HPSE2: variants seen among roughly 807,000 people sequenced by gnomAD.
HPSE2 encodes the protein heparanase 2 (inactive).
HPSE2 carries 38 observed loss-of-function variants against 60.5 expected under a neutral mutation model. That is an observed-to-expected ratio of 0.63 (90% confidence interval 0.48 to 0.82). The LOEUF is 0.82. Ranked by LOEUF, HPSE2 falls within the 40% of genes least tolerant of loss-of-function variation. HPSE2 has a pLI of 0.00. For missense variants in HPSE2, 713 were observed against 740.4 expected (o/e 0.96, Z 0.43); for synonymous variants, 295 against 293.2 (o/e 1.01, Z -0.06).
At chr10:98,860,141 TA>T (rs1184336066) in intron 3 of HPSE2, among the ~76,000 whole-genome samples, 1 of 152,200 alleles carries the variant, frequency 6.6e-6, no homozygotes, top group Non-Finnish European at 1.5e-5. Context: ...GGGGGACTAC[TA>T]TATATCTATA....
chr10:98,573,018 C>G (rs526698), intron 9 of HPSE2, among the ~76,000 whole-genome samples: 1 of 152,072 alleles, frequency 6.6e-6, no homozygotes, highest in Non-Finnish European at 1.5e-5. Flanking sequence ...CTAAAATACA[C>G]AGATTACAGC....
At position 99,071,708 on chromosome 10, in the gene HPSE2, T is replaced by C. The variant is rs74154365; in HGVS notation, c.610+72530A>G. On this transcript the variant is annotated intron_variant, in intron 3 of 11. Transcript: ENST00000370552. ...TGGTTATGCAGTTTTAAATCTTATGTTTAAATCTTTAATCTACTTTGCATT... is the reference window on the plus strand; with the variant it reads ...TGGTTATGCAGTTTTAAATCTTATGCTTAAATCTTTAATCTACTTTGCATT... Among the ~76,000 whole-genome samples the C allele has an allele frequency of 2.9e-3, 439 of 152,370 alleles. 5 individuals carry two copies. Among genetic ancestry groups the C allele is most frequent in the African/African-American group, 0.01 (420 of 41,586 alleles).
chr10:98,573,640 T>C (rs1944564121), intron 9 of HPSE2, among the ~76,000 whole-genome samples: 1 of 152,186 alleles, frequency 6.6e-6, no homozygotes. Context: ...AGCTCCTATC[T>C]TTTTCACCTC....
Position 98,930,136 on chromosome 10 carries a change from C to T in HPSE2, c.611-186080G>A, listed in dbSNP as rs1366931560. On this transcript the variant is annotated intron_variant, in intron 3 of 11. Coordinates refer to ENST00000370552, the MANE Select transcript of HPSE2 (RefSeq NM_021828.5). Reference sequence around the variant, plus strand: ...CAGCTCTTTTCTCTAATGCTTCCCCCCTCCACTATCCACAACAGGCCCCAG... The same window carrying T: ...CAGCTCTTTTCTCTAATGCTTCCCCTCTCCACTATCCACAACAGGCCCCAG... 2.8e-5 allele frequency among the ~76,000 whole-genome samples: 4 copies of T among 143,480 alleles called. 1 individual carries two copies. Among genetic ancestry groups the T allele is most frequent in the African/African-American group, 1.1e-4 (4 of 35,096 alleles). The allele number at this position is 143,480 out of a possible 152,430, so 94.1% of individuals were successfully genotyped here.
chr10:98,830,070 C>T (rs929305717), intron 3 of HPSE2, among the ~76,000 whole-genome samples: 3 of 152,118 alleles, frequency 2.0e-5, no homozygotes, highest in African/African-American at 7.2e-5. Context: ...TCTTTTCTGG[C>T]TATTCTCATT....
chr10:99,029,115 G>A (rs1957441417), intron 3 of HPSE2, among the ~76,000 whole-genome samples: 1 of 152,168 alleles, frequency 6.6e-6, no homozygotes, highest in Non-Finnish European at 1.5e-5. Context: ...GGCAACCAAA[G>A]AAGAAACGGA....
chr10:99,153,407 G>A (rs1255625529), intron 2 of HPSE2, among the ~76,000 whole-genome samples: 3 of 152,250 alleles, frequency 2.0e-5, no homozygotes, highest in Non-Finnish European at 4.4e-5. Flanking sequence ...AGAGATCTGA[G>A]AACGGGCAGA....
intron 3 of HPSE2, among the ~76,000 whole-genome samples, chr10:98,860,550 T>C (rs1431872995): frequency 1.3e-5 from 2 of 152,190 alleles, no homozygotes; most frequent in African/African-American, 4.8e-5. Flanking sequence ...CAGAATGAGA[T>C]AATTACTATT....
rs529157294 is a variant in HPSE2, at chr10:98,933,381, C to T, written c.611-189325G>A. On this transcript the variant is annotated intron_variant, in intron 3 of 11. Transcript: ENST00000370552. ...AGTGTTTTACTTCCAATTATGTGAT[C>T]AATTTTAGAATAAGTGCCATGTGGC... 1.1e-4 allele frequency among the ~76,000 whole-genome samples: 16 copies of T among 144,172 alleles called. 1 individual carries two copies. The South Asian group carries it at 3.4e-3, about 30-fold the overall frequency. 94.6% of individuals were successfully genotyped at this position (144,172 alleles called of 152,430 possible). A position where few individuals can be genotyped will look rare whatever the true frequency, so the allele number is the denominator to read the frequency against.
Position 98,844,232 on chromosome 10 carries a change from G to A in HPSE2, c.611-100176C>T, listed in dbSNP as rs1057296988. Among the ~76,000 whole-genome samples, 3 of 152,286 alleles carry A rather than the reference G, an allele frequency of 2.0e-5. No individual in the cohort carries two copies. The East Asian group carries it at 5.8e-4, about 29-fold the overall frequency. ...ATTAGTATAAAATATGGGAAGAGGA[G>A]CTTCCTCAGAAGGGATGTGCTTTGT... On this transcript the variant is annotated intron_variant, in intron 3 of 11. Coordinates refer to ENST00000370552, the MANE Select transcript of HPSE2 (RefSeq NM_021828.5).
the HPSE2 span, among the ~76,000 whole-genome samples, chr10:99,241,364 G>T: frequency 6.6e-6 from 1 of 152,190 alleles, no homozygotes; most frequent in Non-Finnish European, 1.5e-5. Context: ...ATTTTTAATG[G>T]TTCTAAGCCT....
chr10:98,475,580 C>CCCTCAGAAAAATA (rs78765777), intron 11 of HPSE2, among the ~76,000 whole-genome samples: 1 of 151,802 alleles, frequency 6.6e-6, no homozygotes, highest in Non-Finnish European at 1.5e-5. Flanking sequence ...TGGCATCTTT[C>CCCTCAGAAAAATA]CCTCTGAGAA....
At chr10:98,682,093 C>T (rs758401318) in intron 6 of HPSE2, among the ~76,000 whole-genome samples, 7 of 152,092 alleles carry the variant, frequency 4.6e-5, no homozygotes, top group Non-Finnish European at 7.4e-5. Flanking sequence ...TGGGAGGTGA[C>T]TGGATCATGG....
chr10:98,903,690 C>A (rs146897671), intron 3 of HPSE2, among the ~76,000 whole-genome samples: 1 of 152,086 alleles, frequency 6.6e-6, no homozygotes, highest in East Asian at 1.9e-4. Flanking sequence ...TGATTTCATT[C>A]ATTCACTTTA....
chr10:98,918,041 A>C (rs1405341857), intron 3 of HPSE2, among the ~76,000 whole-genome samples: 1 of 152,220 alleles, frequency 6.6e-6, no homozygotes, highest in Non-Finnish European at 1.5e-5. Context: ...TTCTGTACAC[A>C]TATGTTATAC....
At chr10:98,953,291 T>C (rs891099712) in intron 3 of HPSE2, among the ~76,000 whole-genome samples, 1 of 152,150 alleles carries the variant, frequency 6.6e-6, no homozygotes, top group East Asian at 1.9e-4. Flanking sequence ...ATAGGATTCT[T>C]CCCACATGAC....
intron 9 of HPSE2, among the ~76,000 whole-genome samples, chr10:98,520,719 A>C (rs1464645270): frequency 6.6e-6 from 1 of 152,260 alleles, no homozygotes; most frequent in Non-Finnish European, 1.5e-5. Flanking sequence ...TTGTACCTTA[A>C]AGCCAAGGCA....
intron 5 of HPSE2, among the ~76,000 whole-genome samples, chr10:98,719,333 G>A (rs542430792): frequency 1.4e-4 from 21 of 152,152 alleles, no homozygotes; most frequent in African/African-American, 3.9e-4. Context: ...ATAAACAAAT[G>A]TTATCATCAA....
At chr10:99,003,863 A>G (rs1448201605) in intron 3 of HPSE2, among the ~76,000 whole-genome samples, 2 of 151,892 alleles carry the variant, frequency 1.3e-5, no homozygotes, top group Non-Finnish European at 2.9e-5. Flanking sequence ...CTTTTTGCCT[A>G]TGCTTTTGAG....
Sources: allele counts gnomAD v4.1 joint callset (sites outside exome capture counted in the v4.1 genomes callset), GRCh38; gene constraint gnomAD v4.1.1; transcripts MANE v1.5; gene names NCBI Gene and HGNC (gene_info 2026-07-23, HGNC 2026-07-21).